LRRTM4: variants seen among roughly 807,000 people sequenced by gnomAD.
The protein encoded by LRRTM4 is leucine-rich repeat transmembrane neuronal protein 4.
LRRTM4 carries 25 observed loss-of-function variants against 47.6 expected under a neutral mutation model. The observed-to-expected ratio is 0.53, with a 90% CI of 0.38 to 0.73. The LOEUF (loss-of-function observed/expected upper bound fraction) is 0.73. Ranked by LOEUF, LRRTM4 falls within the 30% of genes least tolerant of loss-of-function variation. LRRTM4 has a pLI of 0.00. For synonymous variants in LRRTM4, 311 were observed against 269.5 expected (o/e 1.15, Z -1.51); for missense variants, 638 against 713.4 (o/e 0.89, Z 1.20).
chr2:77,283,531 T>C lies in LRRTM4; in HGVS notation c.1551+234787A>G, dbSNP rs569176920. Among the ~76,000 whole-genome samples the C allele has an allele frequency of 2.7e-3, 410 of 152,170 alleles. 1 individual carries two copies. Among genetic ancestry groups the C allele is most frequent in the South Asian group, 0.021 (101 of 4,830 alleles). On this transcript the variant is annotated intron_variant, in intron 3 of 3. Coordinates refer to ENST00000409884, the MANE Select transcript of LRRTM4 (RefSeq NM_001134745.3). ...AAAATACCTGCATTCAGATGTTCATTGCAGCAGTATTCACAATAGCAAAGT... is the reference window on the plus strand; with the variant it reads ...AAAATACCTGCATTCAGATGTTCATCGCAGCAGTATTCACAATAGCAAAGT...
At chr2:77,326,689 C>T (rs1573257745) in intron 3 of LRRTM4, among the ~76,000 whole-genome samples, 2 of 152,324 alleles carry the variant, frequency 1.3e-5, no homozygotes, top group Admixed American at 1.3e-4. Context: ...AAGGACTGTA[C>T]TCTGCCTCAC....
At chr2:76,952,799 G>C (rs1030497851) in intron 3 of LRRTM4, among the ~76,000 whole-genome samples, 5 of 150,908 alleles carry the variant, frequency 3.3e-5, no homozygotes, top group Non-Finnish European at 5.9e-5. Flanking sequence ...CTCGATGTCC[G>C]CCAGTGTGGG....
intron 3 of LRRTM4, among the ~76,000 whole-genome samples, chr2:77,472,704 C>T (rs1295759090): frequency 6.6e-6 from 1 of 152,090 alleles, no homozygotes; most frequent in Admixed American, 6.6e-5. Context: ...AAGCATATAT[C>T]TAGCAGGTCA....
intron 3 of LRRTM4, among the ~76,000 whole-genome samples, chr2:77,089,495 C>T (rs909369261): frequency 4.1e-4 from 63 of 151,808 alleles, no homozygotes; most frequent in African/African-American, 1.2e-3. Flanking sequence ...TTTCTGCGCC[C>T]CATCCCTTAT....
chr2:76,950,005 A>G (rs1675445782), intron 3 of LRRTM4, among the ~76,000 whole-genome samples: 1 of 151,954 alleles, frequency 6.6e-6, no homozygotes, highest in East Asian at 1.9e-4. Flanking sequence ...TAATAAGACA[A>G]CAGTAAGATG....
chr2:77,001,781 C>T (rs890170386), intron 3 of LRRTM4, among the ~76,000 whole-genome samples: 31 of 152,278 alleles, frequency 2.0e-4, no homozygotes, highest in South Asian at 8.3e-4. Flanking sequence ...TGTATATAAT[C>T]TCAACTCCTA....
intron 3 of LRRTM4, among the ~76,000 whole-genome samples, chr2:77,321,456 C>A (rs1226746324): frequency 6.9e-6 from 1 of 144,684 alleles, no homozygotes. Context: ...ATACAGGGGA[C>A]ATTAGAAAAT....
chr2:77,411,491 C>G (rs546738707), intron 3 of LRRTM4, among the ~76,000 whole-genome samples: 4 of 129,522 alleles, frequency 3.1e-5, no homozygotes, highest in African/African-American at 1.1e-4. Flanking sequence ...CTTGCTCTGT[C>G]GCCCAGGCTG....
chr2:76,947,450 T>C (rs1675359068), intron 3 of LRRTM4, among the ~76,000 whole-genome samples: 1 of 151,858 alleles, frequency 6.6e-6, no homozygotes, highest in Non-Finnish European at 1.5e-5. Flanking sequence ...TACAATAATG[T>C]GGGAATAATG....
rs367766405 is a variant in LRRTM4, at chr2:76,891,679, A to T, written c.1552-142763T>A. Among the ~76,000 whole-genome samples the T allele has an allele frequency of 2.6e-5, 4 of 151,994 alleles. No homozygotes were observed. In the East Asian group the frequency reaches 7.7e-4, roughly 29 times the overall value. On this transcript the variant is annotated intron_variant, in intron 3 of 3. Coordinates refer to ENST00000409884, the MANE Select transcript of LRRTM4 (RefSeq NM_001134745.3). ...CGATTAGACTTTCATGTGGAAAAAC[A>T]TGAAATTGGATTCATACCTCACATT...
chr2:77,471,014 A>G (rs2861077), intron 3 of LRRTM4, among the ~76,000 whole-genome samples: 58,055 of 151,800 alleles, frequency 0.38, 11,591 homozygotes, highest in African/African-American at 0.49. Context: ...AACATCCTCC[A>G]TATGTTGCTG....
Position 76,755,287 on chromosome 2 carries a change from C to A in LRRTM4, c.1552-6371G>T, listed in dbSNP as rs1443525955. On this transcript the variant is annotated intron_variant, in intron 3 of 3. Coordinates refer to ENST00000409884, the MANE Select transcript of LRRTM4 (RefSeq NM_001134745.3). ...CAAAGATAAGACAGCTCCCAGACAA[C>A]TAAAAATTGATTATTCTGATGACTA... 3.3e-5 allele frequency among the ~76,000 whole-genome samples: 5 copies of A among 152,082 alleles called. No homozygotes were observed. In the East Asian group the frequency reaches 9.6e-4, roughly 29 times the overall value.
rs190712476 is a variant in LRRTM4, at chr2:77,425,259, C to T, written c.1551+93059G>A. The stretch of plus-strand genomic sequence containing the variant: ...CTTGTAAGAACTCTCTGTATTCAGT[C>T]TCTCCATTTCCTGACTTTTTATACA... On this transcript the variant is annotated intron_variant, in intron 3 of 3. Transcript: ENST00000409884. Among the ~76,000 whole-genome samples, 332 of 152,280 alleles carry T rather than the reference C, an allele frequency of 2.2e-3. 2 individuals carry two copies. Among genetic ancestry groups the T allele is most frequent in the Middle Eastern group, 3.4e-3 (1 of 294 alleles).
intron 3 of LRRTM4, among the ~76,000 whole-genome samples, chr2:77,094,193 A>C (rs1340940059): frequency 6.6e-6 from 1 of 152,244 alleles, no homozygotes; most frequent in African/African-American, 2.4e-5. Context: ...ATAGCAACAC[A>C]AAATATAAAA....
chr2:77,060,808 T>C (rs1438353974), intron 3 of LRRTM4, among the ~76,000 whole-genome samples: 3 of 152,092 alleles, frequency 2.0e-5, no homozygotes, highest in South Asian at 2.1e-4. Flanking sequence ...TTTTTCTTAA[T>C]GGGAGTGTTT....
At chr2:76,975,925 T>G (rs1676404749) in intron 3 of LRRTM4, among the ~76,000 whole-genome samples, 1 of 151,884 alleles carries the variant, frequency 6.6e-6, no homozygotes, top group Admixed American at 6.6e-5. Context: ...GTGTTTTTCC[T>G]AATGAAATAA....
intron 3 of LRRTM4, among the ~76,000 whole-genome samples, chr2:77,039,372 G>A (rs968833027): frequency 1.3e-5 from 2 of 150,274 alleles, no homozygotes; most frequent in Non-Finnish European, 1.5e-5. Flanking sequence ...AATATGAACA[G>A]AGATACAGGT....
chr2:77,330,233 G>A (rs1670920433), intron 3 of LRRTM4, among the ~76,000 whole-genome samples: 1 of 152,130 alleles, frequency 6.6e-6, no homozygotes, highest in South Asian at 2.1e-4. Context: ...GTGCAGAATA[G>A]GCATTCAGCA....
At chr2:77,418,053 T>G (rs972068785) in intron 3 of LRRTM4, among the ~76,000 whole-genome samples, 2 of 152,172 alleles carry the variant, frequency 1.3e-5, no homozygotes, top group African/African-American at 4.8e-5. Flanking sequence ...GGATGATTTT[T>G]GAAGGAAACA....
Sources: allele counts gnomAD v4.1 joint callset (sites outside exome capture counted in the v4.1 genomes callset), GRCh38; gene constraint gnomAD v4.1.1; transcripts MANE v1.5; gene names NCBI Gene and HGNC (gene_info 2026-07-23, HGNC 2026-07-21).